SLC2A13: variants seen among roughly 807,000 people sequenced by gnomAD.
SLC2A13 encodes the protein solute carrier family 2 member 13.
SLC2A13 carries 32 observed loss-of-function variants against 64.4 expected under a neutral mutation model. The observed-to-expected ratio is 0.50, with a 90% CI of 0.37 to 0.67. The LOEUF is 0.67. Ranked by LOEUF, SLC2A13 falls within the 30% of genes least tolerant of loss-of-function variation. The pLI, the probability that SLC2A13 is intolerant of heterozygous loss-of-function variation, is 0.00. For synonymous variants in SLC2A13, 338 were observed against 327.1 expected, an observed-to-expected ratio of 1.03 and a Z score of -0.36; for missense variants, 743 against 829.2, an observed-to-expected ratio of 0.90 and a Z score of 1.28.
intron 3 of SLC2A13, among the ~76,000 whole-genome samples, chr12:39,957,229 A>G (rs7312341): frequency 0.2 from 29,853 of 152,180 alleles, 3,322 homozygotes; most frequent in Middle Eastern, 0.27. Context: ...TAAACACAGA[A>G]GGATTAGATA....
chr12:39,853,956 C>G (rs1277814681), intron 6 of SLC2A13, among the ~76,000 whole-genome samples: 1 of 151,990 alleles, frequency 6.6e-6, no homozygotes, highest in African/African-American at 2.4e-5. Flanking sequence ...ATTTTCAGGG[C>G]AGTATTTTGT....
chr12:39,790,872 CCAG>C, intron 7 of SLC2A13, among the ~76,000 whole-genome samples: 1 of 43,012 alleles, frequency 2.3e-5, no homozygotes. Flanking sequence ...CACATCCTCT[CCAG>C]CACCTGTTGT....
intron 1 of SLC2A13, among the ~76,000 whole-genome samples, chr12:40,090,230 C>T (rs1395310548): frequency 6.6e-6 from 1 of 152,154 alleles, no homozygotes; most frequent in Non-Finnish European, 1.5e-5. Context: ...TCCTAGTAAT[C>T]ATCAGACTCT....
chr12:40,057,520 T>C (rs1319334680), intron 1 of SLC2A13, among the ~76,000 whole-genome samples: 1 of 152,206 alleles, frequency 6.6e-6, no homozygotes, highest in Non-Finnish European at 1.5e-5. Flanking sequence ...GAGTGTTTTA[T>C]TTAATATTTT....
intron 2 of SLC2A13, among the ~76,000 whole-genome samples, chr12:40,037,955 T>C (rs1163753940): frequency 1.3e-5 from 2 of 152,220 alleles, no homozygotes; most frequent in Non-Finnish European, 2.9e-5. Context: ...TCGTAGCCAG[T>C]GTATCAATTT....
chr12:39,888,913 G>T (rs561167583), intron 4 of SLC2A13, among the ~76,000 whole-genome samples: 1 of 152,156 alleles, frequency 6.6e-6, no homozygotes, highest in South Asian at 2.1e-4. Context: ...AATTATTTCA[G>T]ATTTCAAATA....
chr12:39,895,104 A>G (rs554837867), intron 4 of SLC2A13, among the ~76,000 whole-genome samples: 27 of 152,144 alleles, frequency 1.8e-4, no homozygotes, highest in Non-Finnish European at 2.9e-4. Context: ...TCTTGGCCCC[A>G]GTGATTGTCC....
chr12:39,873,481 A>T (rs912475009), intron 4 of SLC2A13, among the ~76,000 whole-genome samples: 5 of 152,228 alleles, frequency 3.3e-5, no homozygotes, highest in Non-Finnish European at 7.4e-5. Flanking sequence ...ATAAATACCA[A>T]ATCTAAAAAG....
At chr12:39,850,610 T>C (rs904671785) in intron 6 of SLC2A13, among the ~76,000 whole-genome samples, 5 of 152,218 alleles carry the variant, frequency 3.3e-5, no homozygotes, top group Non-Finnish European at 5.9e-5. Flanking sequence ...TATACGGTAA[T>C]TGCCAAAAAT....
At chr12:39,871,674 ATT>A in intron 5 of SLC2A13, 122 bp downstream of exon 5, 1 of 1,003,084 alleles carries the variant, frequency 1.0e-6, no homozygotes, top group Non-Finnish European at 1.4e-6. Flanking sequence ...AAGAACTCTA[ATT>A]TTTTTGTTGT....
intron 7 of SLC2A13, among the ~76,000 whole-genome samples, chr12:39,806,177 T>C (rs1365328996): frequency 1.3e-5 from 2 of 152,046 alleles, no homozygotes; most frequent in Admixed American, 1.3e-4. Context: ...AAGAAAAAAA[T>C]CGATGACAAG....
chr12:39,784,439 A>G (rs1941111912), intron 7 of SLC2A13, among the ~76,000 whole-genome samples: 1 of 152,226 alleles, frequency 6.6e-6, no homozygotes, highest in African/African-American at 2.4e-5. Context: ...CAACCATCTG[A>G]TCTTTGACAA....
At chr12:39,940,900 G>A (rs1044109222) in intron 4 of SLC2A13, among the ~76,000 whole-genome samples, 6 of 151,094 alleles carry the variant, frequency 4.0e-5, no homozygotes, top group Non-Finnish European at 8.8e-5. Context: ...AAAGTCCACT[G>A]TATCATTCTT....
At chr12:39,831,969 T>C (rs1208558879) in intron 6 of SLC2A13, among the ~76,000 whole-genome samples, 1 of 152,158 alleles carries the variant, frequency 6.6e-6, no homozygotes, top group Non-Finnish European at 1.5e-5. Context: ...AAAAACAGAC[T>C]AACACAACTG....
At chr12:40,100,006 T>G (rs1217153630) in intron 1 of SLC2A13, among the ~76,000 whole-genome samples, 2 of 152,244 alleles carry the variant, frequency 1.3e-5, no homozygotes, top group Non-Finnish European at 2.9e-5. Context: ...AATGACATTC[T>G]TTGTTGACAT....
chr12:40,016,598 T>C (rs1218778596), intron 3 of SLC2A13, among the ~76,000 whole-genome samples: 1 of 152,188 alleles, frequency 6.6e-6, no homozygotes, highest in Non-Finnish European at 1.5e-5. Context: ...TCACCTTTCA[T>C]AGTAGAGAGA....
At chr12:39,872,011 C>A in intron 4 of SLC2A13, 50 bp from the exon 5 acceptor site, 2 of 1,428,824 alleles carry the variant, frequency 1.4e-6, no homozygotes, top group Non-Finnish European at 9.3e-7. Flanking sequence ...CCCAAAGAAA[C>A]AGGGTTATTT....
rs1168086152 is a variant in SLC2A13, at chr12:39,951,246, G to A, written c.1034+11C>T. 19 of 1,607,004 alleles carry A rather than the reference G, an allele frequency of 1.2e-5. No individual in the cohort carries two copies. The highest frequency in any genetic ancestry group is 1.4e-5 in the Non-Finnish European group (17 of 1,175,576). ...AATCTTTTCAGTAAAAAGCCAGAAA[G>A]AAATACATACATGATGGTGTTAATG... On this transcript the variant is annotated intron_variant, in intron 4 of 9. Coordinates refer to ENST00000280871, the MANE Select transcript of SLC2A13 (RefSeq NM_052885.4).
chr12:39,985,272 C>A (rs994701225), intron 3 of SLC2A13, among the ~76,000 whole-genome samples: 4 of 152,070 alleles, frequency 2.6e-5, no homozygotes, highest in Non-Finnish European at 2.9e-5. Context: ...TGTTAGAATT[C>A]TTTTAGCTTC....
Sources: allele counts gnomAD v4.1 joint callset (sites outside exome capture counted in the v4.1 genomes callset), GRCh38; gene constraint gnomAD v4.1.1; transcripts MANE v1.5; gene names NCBI Gene and HGNC (gene_info 2026-07-23, HGNC 2026-07-21).